MEGF6: variants seen among roughly 807,000 people sequenced by gnomAD.
MEGF6 encodes the protein multiple epidermal growth factor-like domains protein 6.
A neutral mutation model predicts 207.1 loss-of-function variants in MEGF6; 184 were observed. That is an observed-to-expected ratio of 0.89 (90% confidence interval 0.79 to 1.00). The LOEUF (loss-of-function observed/expected upper bound fraction) is 1.00, where lower values mean the gene tolerates loss of function less well. MEGF6 is among the 50% of genes least tolerant of loss of function. The pLI is 0.00. For synonymous variants in MEGF6, 1,038 were observed against 910.0 expected (o/e 1.14, Z -2.53); for missense variants, 2,282 against 2,202.9 (o/e 1.04, Z -0.72).
At chr1:3,605,385 C>G (rs1299972881) in intron 1 of MEGF6, among the ~76,000 whole-genome samples, 3 of 151,682 alleles carry the variant, frequency 2.0e-5, no homozygotes, top group African/African-American at 7.3e-5. Context: ...ACACTCACTA[C>G]CATACCCACA....
intron 29 of MEGF6, 112 bp downstream of exon 29, chr1:3,496,543 G>C: frequency 6.8e-7 from 1 of 1,471,850 alleles, no homozygotes; most frequent in Non-Finnish European, 9.2e-7. Context: ...CAGCCAGAGG[G>C]GGCTGAAGGG....
chr1:3,557,551 C>A lies in MEGF6; in HGVS notation c.481+22274G>T, dbSNP rs567808748. Reference sequence around the variant, plus strand: ...GCCTGCAGCTCAGAAGCCCTGCCAGCCTGCGGTAGCCAGAACATTCCAACC... The same window carrying A: ...GCCTGCAGCTCAGAAGCCCTGCCAGACTGCGGTAGCCAGAACATTCCAACC... On this transcript the variant is annotated intron_variant, in intron 4 of 36. Coordinates refer to ENST00000356575, the MANE Select transcript of MEGF6 (RefSeq NM_001409.4). 3.9e-5 allele frequency among the ~76,000 whole-genome samples: 6 copies of A among 152,354 alleles called. No homozygotes were observed. In the South Asian group the frequency reaches 1.0e-3, roughly 26 times the overall value.
chr1:3,619,879 G>T, the MEGF6 span, among the ~76,000 whole-genome samples: 1 of 152,330 alleles, frequency 6.6e-6, no homozygotes, highest in South Asian at 2.1e-4. Context: ...AGTTTGGAGG[G>T]CTCAGAAGAC....
upstream of MEGF6, among the ~76,000 whole-genome samples, chr1:3,611,714 C>A (rs1243148173): frequency 1.1e-5 from 1 of 88,682 alleles, no homozygotes; most frequent in Non-Finnish European, 2.7e-5. Context: ...CTCCTGCTTC[C>A]AGCCCCGCCC....
chr1:3,496,209 GGCCACTGCC>G (rs1005832228), intron 29 of MEGF6, among the ~76,000 whole-genome samples, 191 bp from the exon 30 acceptor site: 20 of 152,344 alleles, frequency 1.3e-4, no homozygotes, highest in African/African-American at 4.3e-4. Flanking sequence ...CTGGGGGCCA[GGCCACTGCC>G]GCCTGCTCTG....
intron 4 of MEGF6, among the ~76,000 whole-genome samples, chr1:3,568,059 G>T (rs544410157): frequency 1.6e-3 from 248 of 152,320 alleles, no homozygotes; most frequent in African/African-American, 5.2e-3. Context: ...CGCCAGAGAG[G>T]CCTGGCGTGC....
At chr1:3,607,516 C>T (rs1006672626) in intron 1 of MEGF6, among the ~76,000 whole-genome samples, 1 of 152,190 alleles carries the variant, frequency 6.6e-6, no homozygotes, top group African/African-American at 2.4e-5. Flanking sequence ...TTCAGCACTG[C>T]ACACACGGCC....
intron 35 of MEGF6, among the ~76,000 whole-genome samples, 179 bp from the exon 36 acceptor site, chr1:3,491,138 G>T (rs1042414818): frequency 2.7e-5 from 4 of 149,686 alleles, no homozygotes; most frequent in Admixed American, 6.6e-5. Flanking sequence ...TGGGGGGGGG[G>T]GCTCTCCCTC....
chr1:3,522,371 G>T (rs1476351884), intron 5 of MEGF6, among the ~76,000 whole-genome samples: 5 of 152,164 alleles, frequency 3.3e-5, no homozygotes, highest in South Asian at 2.1e-4. Flanking sequence ...CCCTGAGGGG[G>T]TGACAGCCAG....
chr1:3,528,593 A>G (rs1419722638), intron 4 of MEGF6, among the ~76,000 whole-genome samples: 2 of 152,160 alleles, frequency 1.3e-5, no homozygotes, highest in African/African-American at 2.4e-5. Flanking sequence ...TGGGCCCAAC[A>G]TGATCACAGG....
intron 4 of MEGF6, among the ~76,000 whole-genome samples, chr1:3,558,035 C>G (rs987555092): frequency 6.6e-6 from 1 of 152,172 alleles, no homozygotes; most frequent in Non-Finnish European, 1.5e-5. Context: ...TTCCCCTCCC[C>G]GCTCCGTGCA....
At chr1:3,501,706 G>A (rs572008508) in intron 18 of MEGF6, 90 bp downstream of exon 18, 14 of 1,490,258 alleles carry the variant, frequency 9.4e-6, no homozygotes, top group African/African-American at 5.6e-5. Context: ...CCTGGGATCC[G>A]CAGGGCTGGG....
chr1:3,607,804 C>T (rs1644272087), intron 1 of MEGF6, among the ~76,000 whole-genome samples: 1 of 152,236 alleles, frequency 6.6e-6, no homozygotes, highest in Admixed American at 6.5e-5. Context: ...GGAATGCTCC[C>T]AGCTGGTGGG....
At chr1:3,559,613 C>T (rs113042147) in intron 4 of MEGF6, among the ~76,000 whole-genome samples, 56 of 150,834 alleles carry the variant, frequency 3.7e-4, no homozygotes, top group African/African-American at 1.2e-3. Flanking sequence ...GGGAGTGGGA[C>T]GGTGGGAGTA....
Position 3,560,882 on chromosome 1 carries a change from G to C in MEGF6, c.481+18943C>G, listed in dbSNP as rs1312326751. ...CTGGTCCCCCAGGTCTCTACGCGAA[G>C]GGGGTGCTGGGCTCTACCCCCAGGC... On this transcript the variant is annotated intron_variant, in intron 4 of 36. Transcript: ENST00000356575. The surrounding 1 kb of genome is among the most constrained non-coding windows in gnomAD (Gnocchi z 4.0). 2.3e-6 allele frequency: 1 copy of C among 438,674 alleles called. No individual in the cohort carries two copies. The highest frequency in any genetic ancestry group is 7.2e-4 in the Middle Eastern group (1 of 1,394). The allele number at this position is 438,674 out of a possible 1,614,324, so 27.2% of individuals were successfully genotyped here.
At chr1:3,602,842 C>A (rs893556426) in intron 1 of MEGF6, among the ~76,000 whole-genome samples, 1 of 152,190 alleles carries the variant, frequency 6.6e-6, no homozygotes, top group African/African-American at 2.4e-5. Context: ...TGGCCCACAG[C>A]GTGGATCCTA....
At chr1:3,547,749 G>T (rs565603867) in intron 4 of MEGF6, among the ~76,000 whole-genome samples, 10 of 152,172 alleles carry the variant, frequency 6.6e-5, no homozygotes, top group Non-Finnish European at 1.5e-4. Flanking sequence ...GCCCTAGCCC[G>T]CCCTCCGTCT....
In MEGF6 at chr1:3,490,381, C is replaced by T; in HGVS notation, c.*147G>A. On this transcript the variant is annotated 3_prime_UTR_variant, in exon 37 of 37. Transcript: ENST00000356575. ...ACCAGCCTCCAAGAGCGACAGGTTG[C>T]TGGGCTGTCCACAGCCCTCCACGGC... 1 of 851,276 alleles carries T rather than the reference C, an allele frequency of 1.2e-6. No homozygotes were observed. The highest frequency in any genetic ancestry group is 1.8e-6 in the Non-Finnish European group (1 of 550,112). 52.7% of individuals were successfully genotyped at this position (851,276 alleles called of 1,614,324 possible). A position where few individuals can be genotyped will look rare whatever the true frequency, so the allele number is the denominator to read the frequency against.
intron 2 of MEGF6, among the ~76,000 whole-genome samples, chr1:3,596,404 G>A (rs576737414): frequency 4.0e-5 from 6 of 151,726 alleles, no homozygotes; most frequent in East Asian, 1.9e-4. Flanking sequence ...CACCAGCACC[G>A]TGCAGTCCAC....
Sources: gnomAD v4.1 joint callset for allele counts (sites outside exome capture counted in the v4.1 genomes callset) on GRCh38, gnomAD v4.1.1 for gene constraint, Gnocchi (gnomAD v3.1) non-coding constraint, MANE v1.5 for transcripts, NCBI Gene and HGNC (gene_info 2026-07-23, HGNC 2026-07-21) for gene names.